The following TTC19 variants were observed in gnomAD, a reference collection of about 807,000 sequenced individuals.
The protein encoded by TTC19 is tetratricopeptide repeat protein 19, mitochondrial.
Under a neutral mutation model 49.5 loss-of-function variants are expected in TTC19, and 38 were observed. The ratio of observed to expected loss-of-function variants is 0.77; its 90% CI spans 0.59 to 1.01. The LOEUF (loss-of-function observed/expected upper bound fraction) is 1.01. Ranked by LOEUF, TTC19 falls within the 50% of genes least tolerant of loss-of-function variation. The pLI, the probability that TTC19 is intolerant of heterozygous loss-of-function variation, is 0.00. For synonymous variants in TTC19, 204 were observed against 185.2 expected, an observed-to-expected ratio of 1.10 and a Z score of -0.83; for missense variants, 475 against 477.7, an observed-to-expected ratio of 0.99 and a Z score of 0.05.
At chr17:16,010,579 A>G (rs1283735263) in intron 7 of TTC19, among the ~76,000 whole-genome samples, 20 of 142,084 alleles carry the variant, frequency 1.4e-4, no homozygotes, top group East Asian at 8.7e-4. Flanking sequence ...GGTTCAAGCG[A>G]TTCTCCTGCC....
chr17:16,027,633 G>C lies in TTC19; in HGVS notation c.*111G>C, dbSNP rs574609977. The C allele has an allele frequency of 7.4e-7, 1 of 1,344,924 alleles. No individual in the cohort carries two copies. The highest frequency in any genetic ancestry group is 1.0e-6 in the Non-Finnish European group (1 of 956,010). The allele number at this position is 1,344,924 out of a possible 1,614,324, so 83.3% of individuals were successfully genotyped here. ...TAAATCTGTCGTTTTTGATATTCAGGTTTCCTCAATTTAGCCTTAGTGAAG... is the reference window on the plus strand; with the variant it reads ...TAAATCTGTCGTTTTTGATATTCAGCTTTCCTCAATTTAGCCTTAGTGAAG... On this transcript the variant is annotated 3_prime_UTR_variant, in exon 10 of 10. Transcript: ENST00000261647.
chr17:16,032,771 A>G (rs189353225), downstream of TTC19, among the ~76,000 whole-genome samples: 102 of 152,346 alleles, frequency 6.7e-4, no homozygotes, highest in South Asian at 1.4e-3. Context: ...AGTTAAGTCT[A>G]TATCAGATGT....
At chr17:16,039,445 A>G in intron 2 of TTC19, 1 of 1,613,886 alleles carries the variant, frequency 6.2e-7, no homozygotes, top group Non-Finnish European at 8.5e-7. Flanking sequence ...GAATGAGGTG[A>G]TGGGTCCCCT....
At chr17:16,042,471 A>G (rs1307140102) in intron 2 of TTC19, among the ~76,000 whole-genome samples, 2 of 152,252 alleles carry the variant, frequency 1.3e-5, no homozygotes, top group Non-Finnish European at 2.9e-5. Context: ...CTTACAGTGC[A>G]GTGTGGTACT....
Position 16,006,528 on chromosome 17 carries a change from A to C in TTC19, c.636A>C (p.Lys212Asn), listed in dbSNP as rs745941941. 6.2e-7 allele frequency: 1 copy of C among 1,613,866 alleles called. No homozygotes were observed. The highest frequency in any genetic ancestry group is 1.1e-5 in the South Asian group (1 of 91,068). ...TCTGCATTTCAACTCTAGAGGAAAA[A>C]ATTGAAAGAGAAAAGGAATTAGCAG... ...YEFCISTLEE[K>N]IEREKELAED... The change falls in exon 7 of 10, where the codon AAA becomes AAC. Residue 212 changes from lysine (K) to asparagine (N), a missense_variant. Physicochemically the swap from Lys to Asn is moderately conservative, Grantham distance 94. Coordinates refer to ENST00000261647, the MANE Select transcript of TTC19 (RefSeq NM_017775.4).
In TTC19 at chr17:16,028,531, T is replaced by C. The variant is rs141067888; in HGVS notation, c.*1009T>C. The stretch of plus-strand genomic sequence containing the variant: ...ATGACTTTGAATGAATAGACTGCTG[T>C]GCTGAAAGAGCTTTATCACACTGTC... On this transcript the variant is annotated 3_prime_UTR_variant, in exon 10 of 10. Coordinates refer to ENST00000261647, the MANE Select transcript of TTC19 (RefSeq NM_017775.4). 1 of 454,094 alleles carries C rather than the reference T, an allele frequency of 2.2e-6. No individual in the cohort carries two copies. The highest frequency in any genetic ancestry group is 6.9e-5 in the East Asian group (1 of 14,400). 28.1% of individuals were successfully genotyped at this position (454,094 alleles called of 1,614,324 possible). A position where few individuals can be genotyped will look rare whatever the true frequency, so the allele number is the denominator to read the frequency against.
chr17:16,025,589 A>G (rs1217851180), intron 8 of TTC19, among the ~76,000 whole-genome samples: 1 of 152,208 alleles, frequency 6.6e-6, no homozygotes, highest in Admixed American at 6.5e-5. Flanking sequence ...GGGAAGGGCA[A>G]GGGACCACAT....
downstream of TTC19, chr17:16,032,180 T>C (rs1012066175): frequency 7.6e-6 from 8 of 1,053,690 alleles, no homozygotes; most frequent in African/African-American, 1.7e-5. Flanking sequence ...CTGGCTCTCC[T>C]GAAAAGTCTC....
At chr17:16,035,698 C>T (rs1297967126) in intron 2 of TTC19, among the ~76,000 whole-genome samples, 6 of 151,976 alleles carry the variant, frequency 3.9e-5, no homozygotes, top group Non-Finnish European at 5.9e-5. Flanking sequence ...CACACCACCA[C>T]ACCCGGCTAC....
intron 7 of TTC19, among the ~76,000 whole-genome samples, chr17:16,018,029 G>A (rs906091975): frequency 2.6e-5 from 4 of 152,168 alleles, no homozygotes; most frequent in African/African-American, 9.7e-5. Context: ...AATGAGATGA[G>A]TACATTTTAA....
In TTC19 at chr17:16,004,237, G is replaced by T. The variant is rs143461619; in HGVS notation, c.556G>T (p.Ala186Ser). The T allele has an allele frequency of 1.2e-6, 2 of 1,614,050 alleles. No individual in the cohort carries two copies. The highest frequency in any genetic ancestry group is 2.7e-5 in the African/African-American group (2 of 74,918). Residue 186 changes from alanine to serine, a missense_variant, in exon 6 of 10, where the codon GCC becomes TCC. Physicochemically the swap from Ala to Ser is moderately conservative, Grantham distance 99. Transcript: ENST00000261647. The stretch of plus-strand genomic sequence containing the variant: ...AATAATTGAAATTTCCCTAAAGCTG[G>T]CCAGTATCTATGCTGCGCAGAACAG... ...NAIIEISLKL[A>S]SIYAAQNRQE...
chr17:16,036,595 A>G (rs1419814469), intron 2 of TTC19, among the ~76,000 whole-genome samples: 1 of 152,246 alleles, frequency 6.6e-6, no homozygotes, highest in Non-Finnish European at 1.5e-5. Flanking sequence ...AACTTGCTGC[A>G]ACATCTTCAT....
At position 16,027,455 on chromosome 17, in the gene TTC19, A is replaced by C. The variant is rs1459754053; in HGVS notation, c.1076A>C (p.His359Pro). ...AAAAAAGATGAAATTTCTGTACAAC[A>C]CATCAGGGAAGAGTTGGCTGAGCTG... ...KLKKDEISVQ[H>P]IREELAELSK... The change falls in exon 10 of 10, where the codon CAC becomes CCC. Residue 359 changes from histidine to proline, a missense_variant. Coordinates refer to ENST00000261647, the MANE Select transcript of TTC19 (RefSeq NM_017775.4). 16 of 1,614,020 alleles carry C rather than the reference A, an allele frequency of 9.9e-6. No homozygotes were observed. Among genetic ancestry groups the C allele is most frequent in the Non-Finnish European group, 1.4e-5 (16 of 1,179,970 alleles).
downstream of TTC19, chr17:16,031,432 A>G (rs756424059): frequency 1.5e-5 from 3 of 194,064 alleles, no homozygotes; most frequent in Non-Finnish European, 3.2e-5. Flanking sequence ...ATTTATTTCA[A>G]AACAAAAGCT....
intron 7 of TTC19, among the ~76,000 whole-genome samples, chr17:16,014,446 T>C (rs187163116): frequency 2.5e-4 from 38 of 152,356 alleles, no homozygotes; most frequent in Middle Eastern, 3.4e-3. Context: ...CTTATAGTTT[T>C]CTTCATATAG....
At chr17:16,012,487 G>C (rs926529166) in intron 7 of TTC19, among the ~76,000 whole-genome samples, 1 of 152,016 alleles carries the variant, frequency 6.6e-6, no homozygotes, top group Non-Finnish European at 1.5e-5. Flanking sequence ...TTGGGGCTGG[G>C]GGGTGGAAGA....
chr17:16,044,168 C>CA (rs34691717), intron 2 of TTC19, among the ~76,000 whole-genome samples: 40,221 of 82,508 alleles, frequency 0.49, 8,553 homozygotes, highest in Middle Eastern at 0.62. Context: ...GACTCCATCT[C>CA]AAAAAAAAAA....
At chr17:16,004,624 C>T (rs931696440) in intron 6 of TTC19, among the ~76,000 whole-genome samples, 1 of 152,154 alleles carries the variant, frequency 6.6e-6, no homozygotes, top group African/African-American at 2.4e-5. Context: ...TCTGAAGAAG[C>T]CATTTTGCTG....
exon 3 of TTC19, chr17:16,044,641 C>T (rs2058353924): frequency 7.9e-6 from 5 of 636,884 alleles, no homozygotes; most frequent in East Asian, 6.9e-5. Context: ...TCTCCGAGCT[C>T]GCCTGCATCT....
Sources: gnomAD v4.1 joint callset for allele counts (sites outside exome capture counted in the v4.1 genomes callset) on GRCh38, gnomAD v4.1.1 for gene constraint, MANE v1.5 for transcripts, NCBI Gene and HGNC (gene_info 2026-07-23, HGNC 2026-07-21) for gene names.